Variants in KCNAB1 observed in about 807,000 individuals in gnomAD.
The protein encoded by KCNAB1 is potassium voltage-gated channel subfamily A regulatory beta subunit 1.
In KCNAB1, 35 loss-of-function variants were observed where a neutral mutation model predicts 64.6. That is an observed-to-expected ratio of 0.54 (90% confidence interval 0.41 to 0.72). The LOEUF is 0.72. KCNAB1 is among the 30% of genes least tolerant of loss of function. The probability of loss-of-function intolerance (pLI) is 0.00; values close to 1 mark genes in which losing one functional copy is unlikely to be tolerated. For missense variants in KCNAB1, 401 were observed against 512.9 expected (o/e 0.78, Z 2.11); for synonymous variants, 177 against 183.8 (o/e 0.96, Z 0.30).
chr3:156,122,717 T>C (rs1301852603), intron 1 of KCNAB1, among the ~76,000 whole-genome samples: 1 of 152,164 alleles, frequency 6.6e-6, no homozygotes, highest in Non-Finnish European at 1.5e-5. Context: ...CCTTACATGA[T>C]CAAAAATTAA....
At chr3:156,373,347 CT>C (rs1223826416) in intron 1 of KCNAB1, among the ~76,000 whole-genome samples, 1 of 152,184 alleles carries the variant, frequency 6.6e-6, no homozygotes, top group Admixed American at 6.5e-5. Context: ...GATTTAATCA[CT>C]CTTATTGCAG....
At chr3:156,150,450 C>T (rs1305338530) in intron 1 of KCNAB1, among the ~76,000 whole-genome samples, 5 of 151,938 alleles carry the variant, frequency 3.3e-5, no homozygotes, top group East Asian at 1.9e-4. Context: ...TGCAGCATGA[C>T]GAAAATACTG....
At chr3:156,410,384 GC>G (rs1333182929) in intron 1 of KCNAB1, among the ~76,000 whole-genome samples, 2 of 152,082 alleles carry the variant, frequency 1.3e-5, no homozygotes, top group African/African-American at 4.8e-5. Flanking sequence ...CAGGTCCTTT[GC>G]CCCCATCTCC....
intron 1 of KCNAB1, among the ~76,000 whole-genome samples, chr3:156,412,442 T>C (rs1714732026): frequency 6.6e-6 from 1 of 152,174 alleles, no homozygotes; most frequent in South Asian, 2.1e-4. Context: ...GAAAGAAGAA[T>C]AAAATAATAT....
intron 7 of KCNAB1, among the ~76,000 whole-genome samples, chr3:156,467,899 T>A (rs1713539114): frequency 6.6e-6 from 1 of 152,114 alleles, no homozygotes; most frequent in Admixed American, 6.5e-5. Context: ...ATTTATATAT[T>A]TATTTATTAG....
chr3:156,305,225 A>C (rs993093080), intron 1 of KCNAB1, among the ~76,000 whole-genome samples: 1 of 152,226 alleles, frequency 6.6e-6, no homozygotes, highest in African/African-American at 2.4e-5. Flanking sequence ...ACAAATAGAC[A>C]AGAAAAAAAT....
intron 1 of KCNAB1, among the ~76,000 whole-genome samples, chr3:156,222,282 C>T (rs1444961336): frequency 2.0e-5 from 3 of 152,142 alleles, no homozygotes; most frequent in Non-Finnish European, 4.4e-5. Context: ...AGTAGCTATT[C>T]TTCTACCAGA....
intron 1 of KCNAB1, among the ~76,000 whole-genome samples, chr3:156,278,950 T>A (rs1207880444): frequency 6.6e-6 from 1 of 151,954 alleles, no homozygotes; most frequent in East Asian, 1.9e-4. Context: ...TTTATTTTTT[T>A]ATTTATTTTT....
At chr3:156,176,034 A>G (rs1712347522) in intron 1 of KCNAB1, 1 of 790,608 alleles carries the variant, frequency 1.3e-6, no homozygotes, top group Non-Finnish European at 2.3e-6. Flanking sequence ...TTTTGCTTCC[A>G]TCAGGTGACC....
At chr3:156,179,342 C>T (rs966989780) in intron 1 of KCNAB1, among the ~76,000 whole-genome samples, 3 of 151,916 alleles carry the variant, frequency 2.0e-5, no homozygotes, top group African/African-American at 7.3e-5. Flanking sequence ...CCATTCCATT[C>T]CAGAAGGGGG....
intron 1 of KCNAB1, among the ~76,000 whole-genome samples, chr3:156,394,889 T>C (rs1353478772): frequency 1.3e-5 from 2 of 152,246 alleles, no homozygotes; most frequent in African/African-American, 4.8e-5. Flanking sequence ...GATTAATGTG[T>C]CAATCATCTA....
intron 8 of KCNAB1, 76 bp from the exon 9 acceptor site, chr3:156,514,288 G>T: frequency 9.3e-7 from 1 of 1,073,482 alleles, no homozygotes; most frequent in South Asian, 1.3e-5. Flanking sequence ...TCTAAGCTTT[G>T]GCTAGAGGAG....
At chr3:156,410,090 G>A (rs924243529) in intron 1 of KCNAB1, among the ~76,000 whole-genome samples, 6 of 152,184 alleles carry the variant, frequency 3.9e-5, no homozygotes, top group Non-Finnish European at 8.8e-5. Context: ...ATGTGAGAAC[G>A]TTTGTAGATA....
At chr3:156,530,153 T>C (rs1478046034) in intron 12 of KCNAB1, among the ~76,000 whole-genome samples, 3 of 152,158 alleles carry the variant, frequency 2.0e-5, no homozygotes, top group Non-Finnish European at 4.4e-5. Flanking sequence ...TTTTAGCATG[T>C]TTTGTTGACA....
chr3:156,217,151 A>G (rs1373003103), intron 1 of KCNAB1: 2 of 152,228 alleles, frequency 1.3e-5, no homozygotes, highest in African/African-American at 4.8e-5. Context: ...CACGTCAAAC[A>G]GACTCCACTG....
At chr3:156,139,454 G>C (rs754512086) in intron 1 of KCNAB1, among the ~76,000 whole-genome samples, 1 of 152,106 alleles carries the variant, frequency 6.6e-6, no homozygotes, top group Non-Finnish European at 1.5e-5. Flanking sequence ...GAACCTCCAG[G>C]TGTTCTCAGC....
chr3:156,284,016 C>T (rs921996570), intron 1 of KCNAB1, among the ~76,000 whole-genome samples: 3 of 152,044 alleles, frequency 2.0e-5, no homozygotes, highest in Admixed American at 6.5e-5. Context: ...TGAGGAACTG[C>T]ATTCCTTTGG....
chr3:156,404,058 A>G (rs1714081665), intron 1 of KCNAB1, among the ~76,000 whole-genome samples: 1 of 152,164 alleles, frequency 6.6e-6, no homozygotes, highest in South Asian at 2.1e-4. Context: ...TTTATATTAT[A>G]ATGGCTCTTC....
chr3:156,303,428 C>G (rs1721287567), intron 1 of KCNAB1, among the ~76,000 whole-genome samples: 1 of 152,112 alleles, frequency 6.6e-6, no homozygotes, highest in Non-Finnish European at 1.5e-5. Context: ...AATTTAGTCT[C>G]TTGTGGCCAG....
Sources: gnomAD v4.1 joint callset for allele counts (sites outside exome capture counted in the v4.1 genomes callset) on GRCh38, gnomAD v4.1.1 for gene constraint, MANE v1.5 for transcripts, NCBI Gene and HGNC (gene_info 2026-07-23, HGNC 2026-07-21) for gene names.